The following CCDC80 variants were observed in gnomAD, a reference collection of about 807,000 sequenced individuals.
CCDC80 encodes coiled-coil domain containing 80.
In CCDC80, 49 loss-of-function variants were observed where a neutral mutation model predicts 78.7. The ratio of observed to expected loss-of-function variants is 0.62; its 90% CI spans 0.50 to 0.79. CCDC80 has a LOEUF of 0.79. CCDC80 is among the 30% of genes least tolerant of loss of function. The pLI, the probability that CCDC80 is intolerant of heterozygous loss-of-function variation, is 0.00. For synonymous variants in CCDC80, 488 were observed against 447.0 expected, an observed-to-expected ratio of 1.09 and a Z score of -1.16; for missense variants, 1,205 against 1,198.6, an observed-to-expected ratio of 1.01 and a Z score of -0.08.
chr3:112,635,183 C>T (rs1241128370), intron 2 of CCDC80, among the ~76,000 whole-genome samples: 4 of 152,150 alleles, frequency 2.6e-5, no homozygotes, highest in African/African-American at 7.2e-5. Flanking sequence ...TTATGTGATA[C>T]GTCCACATCT....
At chr3:112,616,484 G>C (rs1935751816) in intron 5 of CCDC80, among the ~76,000 whole-genome samples, 3 of 149,984 alleles carry the variant, frequency 2.0e-5, no homozygotes, top group Non-Finnish European at 1.5e-5. Flanking sequence ...CCTATCCTGA[G>C]TCACCAAATC....
intron 5 of CCDC80, among the ~76,000 whole-genome samples, chr3:112,614,509 C>G (rs914823031): frequency 6.6e-6 from 1 of 151,800 alleles, no homozygotes; most frequent in African/African-American, 2.4e-5. Context: ...TGTTTTAATA[C>G]CCCCGAGACC....
At position 112,636,961 on chromosome 3, in the gene CCDC80, C is replaced by T. The variant is rs116185720; in HGVS notation, c.1878+1067G>A. Among the ~76,000 whole-genome samples, 381 of 152,184 alleles carry T rather than the reference C, an allele frequency of 2.5e-3. 1 individual carries two copies. The highest frequency in any genetic ancestry group is 8.7e-3 in the African/African-American group (363 of 41,518). ...TCCAGGGGTGGAAATTTTGGAGGGG[C>T]AGTAAAAGAGGGAAAGAGAAGACAA... On this transcript the variant is annotated intron_variant, in intron 2 of 7. Coordinates refer to ENST00000206423, the MANE Select transcript of CCDC80 (RefSeq NM_199511.3).
intron 5 of CCDC80, among the ~76,000 whole-genome samples, chr3:112,610,915 C>CTTTCT (rs372315587): frequency 0.012 from 1,482 of 123,290 alleles, 28 homozygotes; most frequent in African/African-American, 0.044. Flanking sequence ...TTCTTTCTTT[C>CTTTCT]TTTTTTTTTT....
Position 112,629,979 on chromosome 3 carries a change from C to G in CCDC80, c.2035+134G>C. The G allele has an allele frequency of 5.2e-6, 4 of 773,136 alleles. No homozygotes were observed. The South Asian group carries it at 5.9e-5, about 11-fold the overall frequency. 47.9% of individuals were successfully genotyped at this position (773,136 alleles called of 1,614,324 possible). On this transcript the variant is annotated intron_variant, in intron 3 of 7. Transcript: ENST00000206423. ...CTATTTAAATAAGCAGGCAAACTGA[C>G]CTGTGTTATCACAACCAAAGAGCCC...
chr3:112,605,273 A>C lies in CCDC80; in HGVS notation c.*144T>G. On this transcript the variant is annotated 3_prime_UTR_variant, in exon 8 of 8. Transcript: ENST00000206423. ...CAATAATAACTCATGAATAGGTGAA[A>C]GTTTGCTATTTATTTAGTCTTAGAA... is the stretch of plus-strand genomic sequence containing the variant. The C allele has an allele frequency of 1.7e-6, 1 of 579,844 alleles. No homozygotes were observed. Among genetic ancestry groups the C allele is most frequent in the Non-Finnish European group, 3.0e-6 (1 of 333,862 alleles). The allele number at this position is 579,844 out of a possible 1,614,324, so 35.9% of individuals were successfully genotyped here. A position where few individuals can be genotyped will look rare whatever the true frequency, so the allele number is the denominator to read the frequency against.
Position 112,638,261 on chromosome 3 carries a change from CCTT to C in CCDC80, c.1642_1644del (p.Lys548del), listed in dbSNP as rs1245017052. ...TCATTCTTCATCTTTTTTTTCTTCT[CCTT>C]CTCTGGTTTCTCAAGCTTTTCATGC... is the stretch of plus-strand genomic sequence containing the variant. On this transcript the variant is annotated inframe_deletion, in exon 2 of 8. Coordinates refer to ENST00000206423, the MANE Select transcript of CCDC80 (RefSeq NM_199511.3). 5 of 1,612,954 alleles carry C rather than the reference CCTT, an allele frequency of 3.1e-6. No individual in the cohort carries two copies. The highest frequency in any genetic ancestry group is 4.2e-6 in the Non-Finnish European group (5 of 1,179,642).
At position 112,632,614 on chromosome 3, in the gene CCDC80, T is replaced by A. The variant is rs545309339; in HGVS notation, c.1879-2345A>T. Among the ~76,000 whole-genome samples, 305 of 152,320 alleles carry A rather than the reference T, an allele frequency of 2.0e-3. 2 individuals are homozygous for A. The highest frequency in any genetic ancestry group is 6.9e-3 in the African/African-American group (285 of 41,562). ...TGTGTATATTAAGGATATCAGACAG[T>A]ATGTAATCACACAGAACCTTATCCT... On this transcript the variant is annotated intron_variant, in intron 2 of 7. Coordinates refer to ENST00000206423, the MANE Select transcript of CCDC80 (RefSeq NM_199511.3).
intron 2 of CCDC80, among the ~76,000 whole-genome samples, chr3:112,637,376 GAGA>G (rs1275078703): frequency 1.3e-5 from 2 of 152,168 alleles, no homozygotes; most frequent in African/African-American, 4.8e-5. Flanking sequence ...GCTTTAAGGG[GAGA>G]AGATTTCTGC....
chr3:112,639,960 A>G (rs1936310482), intron 1 of CCDC80, 44 bp from the exon 2 acceptor site: 1 of 1,546,544 alleles, frequency 6.5e-7, no homozygotes, highest in Middle Eastern at 1.8e-4. Context: ...GAGGGGGAAA[A>G]AAGAAAGAAA....
Position 112,638,370 on chromosome 3 carries a change from G to A in CCDC80, c.1536C>T (p.Leu512=). ...CCAGCTGAGAGGCAGTAGGCCGGCT[G>A]AGGTCATACTTCTCCTCATACTCAT... ...LSNEYEEKYD[L]SRPTASQLED... is the part of the protein sequence containing the mutation. The change falls in exon 2 of 8, where the codon CTC becomes CTT. Residue 512 remains leucine (L), a synonymous_variant. Transcript: ENST00000206423. 6.2e-7 allele frequency: 1 copy of A among 1,614,050 alleles called. No homozygotes were observed. Among genetic ancestry groups the A allele is most frequent in the Non-Finnish European group, 8.5e-7 (1 of 1,180,022 alleles).
At chr3:112,610,168 A>G (rs1325788116) in intron 5 of CCDC80, 87 bp from the exon 6 acceptor site, 4 of 1,154,328 alleles carry the variant, frequency 3.5e-6, no homozygotes, top group Non-Finnish European at 3.9e-6. Flanking sequence ...TTAGGCTAGC[A>G]ATTTTTTTCT....
chr3:112,607,018 G>A (rs1173961868), intron 7 of CCDC80, 158 bp downstream of exon 7: 12 of 542,906 alleles, frequency 2.2e-5, no homozygotes, highest in South Asian at 7.8e-5. Context: ...TACATATCCC[G>A]TGCACACACA....
chr3:112,639,507 A>G lies in CCDC80; in HGVS notation c.399T>C (p.Pro133=). 6.2e-7 allele frequency: 1 copy of G among 1,614,210 alleles called. No individual in the cohort carries two copies. The highest frequency in any genetic ancestry group is 8.5e-7 in the Non-Finnish European group (1 of 1,180,040). ...GGATGTTGGGAGAGCTGGACCCCGA[A>G]GGGAAACGCAACATTCTTGACCGAG... ...SSARSRMLRF[P]SGSSSPNILA... Residue 133 remains proline, a synonymous_variant, in exon 2 of 8, where the codon CCT becomes CCC. Coordinates refer to ENST00000206423, the MANE Select transcript of CCDC80 (RefSeq NM_199511.3).
intron 7 of CCDC80, among the ~76,000 whole-genome samples, chr3:112,606,214 T>C (rs528431472): frequency 1.3e-5 from 2 of 152,336 alleles, no homozygotes; most frequent in East Asian, 1.9e-4. Context: ...TCTGTTAAGA[T>C]CTAGAGGAAT....
intron 3 of CCDC80, among the ~76,000 whole-genome samples, chr3:112,628,935 C>T (rs1228226293): frequency 6.6e-6 from 1 of 152,032 alleles, no homozygotes; most frequent in African/African-American, 2.4e-5. Context: ...CTATAGTTAT[C>T]AATACTGTAT....
At position 112,638,166 on chromosome 3, in the gene CCDC80, T is replaced by C; in HGVS notation, c.1740A>G (p.Lys580=). 3 of 1,614,040 alleles carry C rather than the reference T, an allele frequency of 1.9e-6. No homozygotes were observed. The highest frequency in any genetic ancestry group is 2.5e-6 in the Non-Finnish European group (3 of 1,179,876). The change falls in exon 2 of 8, where the codon AAA becomes AAG. Residue 580 remains lysine (K), a synonymous_variant. Transcript: ENST00000206423. ...KKSEKKSKQE[K]EKSKKKKGGK... ...CTCCTTTTTTCTTCTTGCTCTTCTC[T>C]TTCTCTTGCTTGCTCTTTTTCTCAG... is the stretch of plus-strand genomic sequence containing the variant.
rs1333991831 is a variant in CCDC80 at position 112,599,723 on chromosome 3, A to G, written c.*5694T>C. 1.3e-5 allele frequency: 2 copies of G among 152,198 alleles called. No homozygotes were observed. Among genetic ancestry groups the G allele is most frequent in the Admixed American group, 6.5e-5 (1 of 15,280 alleles). 9.4% of individuals were successfully genotyped at this position (152,198 alleles called of 1,614,324 possible). A position where few individuals can be genotyped will look rare whatever the true frequency, so the allele number is the denominator to read the frequency against. On this transcript the variant is annotated 3_prime_UTR_variant, in exon 8 of 8. Transcript: ENST00000206423. ...GAAAGTATGAGCTTCATTGTTAATT[A>G]TATTACAGAAAATGGGACCAGCTGG...
At chr3:112,625,726 A>G (rs1437010707) in intron 3 of CCDC80, among the ~76,000 whole-genome samples, 1 of 152,184 alleles carries the variant, frequency 6.6e-6, no homozygotes, top group Admixed American at 6.5e-5. Context: ...AAAGTACTAA[A>G]TGAATAAATA....
Sources: allele counts gnomAD v4.1 joint callset (sites outside exome capture counted in the v4.1 genomes callset), GRCh38; gene constraint gnomAD v4.1.1; transcripts MANE v1.5; gene names NCBI Gene and HGNC (gene_info 2026-07-23, HGNC 2026-07-21).